The following SMARCAD1 variants were observed in gnomAD, a reference collection of about 807,000 sequenced individuals.
SMARCAD1 encodes the protein SNF2 related chromatin remodeling ATPase with DExD box 1, also known as SWI/SNF-related matrix-associated actin-dependent regulator of chromatin subfamily A containing DEAD/H box 1.
Under a neutral mutation model 127.1 loss-of-function variants are expected in SMARCAD1, and 25 were observed. That is an observed-to-expected ratio of 0.20 (90% CI 0.14 to 0.27). The LOEUF (loss-of-function observed/expected upper bound fraction) is 0.27. Among genes scored for constraint, SMARCAD1 ranks in the 10% least tolerant of loss-of-function variants. The pLI is 1.00. For missense variants in SMARCAD1, 807 were observed against 1,206.0 expected, an observed-to-expected ratio of 0.67 and a Z score of 4.90; for synonymous variants, 400 against 396.9, an observed-to-expected ratio of 1.01 and a Z score of -0.09.
chr4:94,248,793 T>G (rs140158896), intron 6 of SMARCAD1, among the ~76,000 whole-genome samples: 1 of 152,320 alleles, frequency 6.6e-6, no homozygotes, highest in African/African-American at 2.4e-5. Context: ...TACTCCATTG[T>G]GCAGAGGAGG....
At chr4:94,271,112 TAAAC>T (rs940690226) in intron 11 of SMARCAD1, among the ~76,000 whole-genome samples, 13 of 152,336 alleles carry the variant, frequency 8.5e-5, no homozygotes, top group South Asian at 8.3e-4. Flanking sequence ...TTCTACCACT[TAAAC>T]AAGAACTAGT....
chr4:94,252,342 C>T (rs1183936619), intron 8 of SMARCAD1, among the ~76,000 whole-genome samples: 1 of 152,086 alleles, frequency 6.6e-6, no homozygotes, highest in Non-Finnish European at 1.5e-5. Context: ...CATACAGATA[C>T]GCAGCTGCCA....
At chr4:94,251,880 C>A (rs1749326771) in intron 8 of SMARCAD1, among the ~76,000 whole-genome samples, 1 of 151,924 alleles carries the variant, frequency 6.6e-6, no homozygotes. Context: ...GAGACGGAGT[C>A]TTGCTCTGTC....
intron 9 of SMARCAD1, among the ~76,000 whole-genome samples, chr4:94,256,678 CTGG>C (rs1324804030): frequency 1.3e-5 from 2 of 152,104 alleles, no homozygotes; most frequent in Non-Finnish European, 2.9e-5. Context: ...CTTTGTTTAA[CTGG>C]TGATTTCTGT....
chr4:94,285,212 G>A (rs1754758744), intron 23 of SMARCAD1, 143 bp downstream of exon 23: 12 of 515,896 alleles, frequency 2.3e-5, no homozygotes, highest in Middle Eastern at 6.3e-4. Flanking sequence ...AGGTAAGCAT[G>A]TTTATTTCAA....
intron 9 of SMARCAD1, among the ~76,000 whole-genome samples, chr4:94,261,672 G>C (rs1290376697): frequency 6.6e-6 from 1 of 152,124 alleles, no homozygotes; most frequent in Non-Finnish European, 1.5e-5. Context: ...GAATGCAGTG[G>C]CGTCTTGGCT....
chr4:94,275,336 C>T (rs112723670), intron 14 of SMARCAD1, among the ~76,000 whole-genome samples: 1 of 151,892 alleles, frequency 6.6e-6, no homozygotes, highest in African/African-American at 2.4e-5. Flanking sequence ...TTCATTTTCT[C>T]AATGAAAAAT....
chr4:94,240,879 T>C (rs768378897), intron 5 of SMARCAD1, 27 bp from the exon 6 acceptor site: 1 of 1,569,104 alleles, frequency 6.4e-7, no homozygotes, highest in Non-Finnish European at 8.8e-7. Context: ...CTGTGCAAAG[T>C]TTGAGTGTGC....
chr4:94,274,421 G>T (rs1248345338), intron 12 of SMARCAD1, among the ~76,000 whole-genome samples: 3 of 152,022 alleles, frequency 2.0e-5, no homozygotes, highest in Non-Finnish European at 4.4e-5. Flanking sequence ...CGCCTCCCAG[G>T]TTCTCGTGCC....
At chr4:94,284,075 A>C (rs1201237697) in intron 22 of SMARCAD1, among the ~76,000 whole-genome samples, 2 of 151,798 alleles carry the variant, frequency 1.3e-5, no homozygotes, top group African/African-American at 4.8e-5. Flanking sequence ...TAATCCTAGC[A>C]CTTTGGGAGG....
At chr4:94,216,262 T>C (rs1439167434) in intron 2 of SMARCAD1, among the ~76,000 whole-genome samples, 1 of 152,160 alleles carries the variant, frequency 6.6e-6, no homozygotes, top group Non-Finnish European at 1.5e-5. Flanking sequence ...TGGTTAAGAT[T>C]TCAACATACC....
intron 4 of SMARCAD1, among the ~76,000 whole-genome samples, chr4:94,235,640 A>ATTTT (rs761940704): frequency 1.5e-5 from 2 of 134,232 alleles, no homozygotes; most frequent in African/African-American, 2.7e-5. Flanking sequence ...GCTAATGTGA[A>ATTTT]TTTTTTTTTT....
intron 9 of SMARCAD1, among the ~76,000 whole-genome samples, chr4:94,260,312 T>G (rs1176173741): frequency 1.3e-5 from 2 of 152,156 alleles, no homozygotes; most frequent in African/African-American, 4.8e-5. Context: ...GATCCATAAT[T>G]CATTAGCCAT....
intron 20 of SMARCAD1, among the ~76,000 whole-genome samples, chr4:94,281,021 A>C (rs1046358193): frequency 3.3e-5 from 5 of 152,192 alleles, no homozygotes; most frequent in African/African-American, 1.2e-4. Flanking sequence ...AAAAAATCTT[A>C]ATTGTCATTA....
chr4:94,277,997 A>G (rs1429171620), intron 16 of SMARCAD1, among the ~76,000 whole-genome samples: 1 of 152,138 alleles, frequency 6.6e-6, no homozygotes, highest in Admixed American at 6.5e-5. Context: ...TTTTAGACCA[A>G]GTGATTTGCA....
chr4:94,220,753 C>A (rs2664883), intron 2 of SMARCAD1, among the ~76,000 whole-genome samples: 11 of 152,252 alleles, frequency 7.2e-5, no homozygotes, highest in Admixed American at 6.5e-4. Flanking sequence ...GGCCAAGGCT[C>A]TAGACGGTTC....
chr4:94,256,519 C>T (rs1355307952), intron 9 of SMARCAD1, among the ~76,000 whole-genome samples: 2 of 152,082 alleles, frequency 1.3e-5, no homozygotes, highest in African/African-American at 2.4e-5. Context: ...CCCGCCACCA[C>T]ACCTGGCCAA....
chr4:94,283,011 G>T lies in SMARCAD1; in HGVS notation c.2727-110G>T, dbSNP rs138620783. On this transcript the variant is annotated intron_variant, in intron 21 of 23. Transcript: ENST00000354268. ...AGGAGAAATAACTGCAATACTAAGA[G>T]ATGTACATACATCTTCAGGTTTCTT... is the stretch of plus-strand genomic sequence containing the variant. The T allele has an allele frequency of 3.6e-3, 3,162 of 867,160 alleles. 7 individuals carry two copies. Among genetic ancestry groups the T allele is most frequent in the Non-Finnish European group, 5.2e-3 (2,804 of 544,212 alleles). 53.7% of individuals were successfully genotyped at this position (867,160 alleles called of 1,614,324 possible). A position where few individuals can be genotyped will look rare whatever the true frequency, so the allele number is the denominator to read the frequency against.
intron 14 of SMARCAD1, among the ~76,000 whole-genome samples, chr4:94,275,972 T>C (rs1425614454): frequency 1.3e-5 from 2 of 151,852 alleles, no homozygotes; most frequent in Non-Finnish European, 2.9e-5. Flanking sequence ...TAATTTTTTA[T>C]ATTTTTAGTA....
Sources: allele counts gnomAD v4.1 joint callset (sites outside exome capture counted in the v4.1 genomes callset), GRCh38; gene constraint gnomAD v4.1.1; transcripts MANE v1.5; gene names NCBI Gene and HGNC (gene_info 2026-07-23, HGNC 2026-07-21).